Variants in C7orf78 observed in about 807,000 individuals in gnomAD.
The protein encoded by C7orf78 is putative uncharacterized protein C7orf78.
chr7:12,540,462 CTCAAT>C, the C7orf78 span, among the ~76,000 whole-genome samples: 1 of 152,184 alleles, frequency 6.6e-6, no homozygotes, highest in African/African-American at 2.4e-5. Flanking sequence ...CATAACCTCA[CTCAAT>C]TGTCTTCAGA....
At chr7:12,534,321 G>T in the C7orf78 span, among the ~76,000 whole-genome samples, 2 of 152,184 alleles carry the variant, frequency 1.3e-5, no homozygotes, top group Non-Finnish European at 2.9e-5. Context: ...AAATATATAT[G>T]ACTTCTATTT....
chr7:12,531,166 T>A, the C7orf78 span: 1 of 397,512 alleles, frequency 2.5e-6, no homozygotes, highest in Non-Finnish European at 4.4e-6. Context: ...ATTTCTGTTT[T>A]AAATAAAACA....
At chr7:12,503,945 GA>G in the C7orf78 span, among the ~76,000 whole-genome samples, 1 of 151,606 alleles carries the variant, frequency 6.6e-6, no homozygotes. Flanking sequence ...CTGTGTTTCT[GA>G]AAAAAAGAAA....
chr7:12,520,308 C>G, the C7orf78 span, among the ~76,000 whole-genome samples: 2 of 152,200 alleles, frequency 1.3e-5, no homozygotes, highest in African/African-American at 4.8e-5. Context: ...CCCGATGCCT[C>G]TAGTCAGCAT....
At chr7:12,489,169 T>G in the C7orf78 span, among the ~76,000 whole-genome samples, 1 of 152,036 alleles carries the variant, frequency 6.6e-6, no homozygotes, top group Non-Finnish European at 1.5e-5. Flanking sequence ...GCAAGGGACA[T>G]CTGTCATGAA....
At chr7:12,510,290 T>G in the C7orf78 span, among the ~76,000 whole-genome samples, 1 of 151,862 alleles carries the variant, frequency 6.6e-6, no homozygotes, top group Non-Finnish European at 1.5e-5. Flanking sequence ...ACTCAGGAGA[T>G]CTTCCTACCT....
the C7orf78 span, among the ~76,000 whole-genome samples, chr7:12,495,732 A>C: frequency 6.6e-6 from 1 of 152,154 alleles, no homozygotes; most frequent in Non-Finnish European, 1.5e-5. Flanking sequence ...AGTTGCAATT[A>C]TCTGTTCTAT....
At chr7:12,520,369 T>C in the C7orf78 span, among the ~76,000 whole-genome samples, 5 of 152,362 alleles carry the variant, frequency 3.3e-5, no homozygotes, top group African/African-American at 9.6e-5. Context: ...GATGCGGATA[T>C]TTATTGCTGT....
the C7orf78 span, among the ~76,000 whole-genome samples, chr7:12,524,982 C>T: frequency 2.6e-5 from 4 of 151,980 alleles, no homozygotes; most frequent in African/African-American, 9.7e-5. Context: ...ATTGTGTAAC[C>T]ACCAGATGTC....
chr7:12,507,675 G>C, the C7orf78 span, among the ~76,000 whole-genome samples: 2 of 152,188 alleles, frequency 1.3e-5, no homozygotes, highest in Non-Finnish European at 2.9e-5. Context: ...TCCCTGTGCA[G>C]TAATAACAGC....
At chr7:12,539,245 G>A in the C7orf78 span, among the ~76,000 whole-genome samples, 6,297 of 152,114 alleles carry the variant, frequency 0.041, 477 homozygotes, top group African/African-American at 0.14. Context: ...TGGGCGGATC[G>A]TGAGGTCAGG....
At chr7:12,516,104 C>T in the C7orf78 span, among the ~76,000 whole-genome samples, 2 of 152,096 alleles carry the variant, frequency 1.3e-5, no homozygotes, top group African/African-American at 2.4e-5. Flanking sequence ...CACAGCAGAC[C>T]CTCCCATCAC....
chr7:12,535,445 A>C, the C7orf78 span, among the ~76,000 whole-genome samples: 1 of 152,168 alleles, frequency 6.6e-6, no homozygotes, highest in South Asian at 2.1e-4. Flanking sequence ...AACTGTCCCC[A>C]TGATTCAATT....
At chr7:12,493,526 G>C in the C7orf78 span, among the ~76,000 whole-genome samples, 12 of 152,152 alleles carry the variant, frequency 7.9e-5, no homozygotes, top group Admixed American at 2.6e-4. Flanking sequence ...TAGGGCCTAA[G>C]GATTACCATT....
At chr7:12,509,698 C>T in the C7orf78 span, among the ~76,000 whole-genome samples, 2 of 152,276 alleles carry the variant, frequency 1.3e-5, no homozygotes, top group East Asian at 1.9e-4. Flanking sequence ...TTAACTCCCA[C>T]GTATGAGTGA....
the C7orf78 span, among the ~76,000 whole-genome samples, chr7:12,525,525 A>G: frequency 5.9e-5 from 9 of 152,248 alleles, no homozygotes; most frequent in African/African-American, 2.2e-4. Context: ...TAAATTTTGA[A>G]TAGACTCCCT....
At chr7:12,522,843 A>T in the C7orf78 span, 1 of 395,650 alleles carries the variant, frequency 2.5e-6, no homozygotes, top group East Asian at 3.6e-5. Flanking sequence ...CTCCATACAT[A>T]TTCCCTGTCA....
At chr7:12,510,152 T>C in the C7orf78 span, among the ~76,000 whole-genome samples, 24 of 132,346 alleles carry the variant, frequency 1.8e-4, no homozygotes, top group Non-Finnish European at 3.5e-4. Flanking sequence ...TACAGCTTGA[T>C]TTTATATCTT....
chr7:12,536,470 G>A, the C7orf78 span, among the ~76,000 whole-genome samples: 2 of 152,090 alleles, frequency 1.3e-5, no homozygotes, highest in African/African-American at 4.8e-5. Context: ...TTCTTCCTAG[G>A]CCTCTGGGCC....
Sources: gnomAD v4.1 joint callset for allele counts (sites outside exome capture counted in the v4.1 genomes callset) on GRCh38, gnomAD v4.1.1 for gene constraint, MANE v1.5 for transcripts, NCBI Gene and HGNC (gene_info 2026-07-23, HGNC 2026-07-21) for gene names.